ZNF808: variants seen among roughly 807,000 people sequenced by gnomAD.
ZNF808 encodes zinc finger protein 808.
ZNF808 carries 5 observed loss-of-function variants against 8.7 expected under a neutral mutation model. The ratio of observed to expected loss-of-function variants is 0.58; its 90% CI spans 0.30 to 1.21. ZNF808 has a LOEUF of 1.21. Ranked by LOEUF, ZNF808 falls within the 50% of genes most tolerant of loss-of-function variation. The pLI, the probability that ZNF808 is intolerant of heterozygous loss-of-function variation, is 0.07. For synonymous variants in ZNF808, 380 were observed against 366.0 expected (o/e 1.04, Z -0.44); for missense variants, 1,103 against 1,098.4 (o/e 1.00, Z -0.06).
downstream of ZNF808, among the ~76,000 whole-genome samples, chr19:52,561,212 CTATATATATATATA>C (rs374488821): frequency 6.0e-4 from 24 of 40,048 alleles, no homozygotes; most frequent in East Asian, 1.3e-3. Context: ...CTCTCTCTCT[CTATATATATATATA>C]TATATATATA....
At chr19:52,560,189 G>C (rs2059851811), downstream of ZNF808, among the ~76,000 whole-genome samples, 1 of 152,012 alleles carries the variant, frequency 6.6e-6, no homozygotes, top group South Asian at 2.1e-4. Flanking sequence ...AGCCAGGCCT[G>C]GTGGCAGGTG....
At chr19:52,563,913 T>C in exon 4 of ZNF808, 1 of 278,576 alleles carries the variant, frequency 3.6e-6, no homozygotes. Context: ...GAAGAATTGC[T>C]TGAACCCGGG....
chr19:52,537,335 TAG>T (rs772183743), intron 2 of ZNF808, among the ~76,000 whole-genome samples: 4 of 150,656 alleles, frequency 2.7e-5, no homozygotes, highest in Non-Finnish European at 5.9e-5. Flanking sequence ...AAACAAGAGC[TAG>T]AGAGAGAAGG....
chr19:52,528,968 G>T (rs2059536286), intron 1 of ZNF808, among the ~76,000 whole-genome samples: 1 of 151,754 alleles, frequency 6.6e-6, no homozygotes, highest in South Asian at 2.1e-4. Flanking sequence ...CAGAAGAGAA[G>T]AGGGGTACAA....
chr19:52,530,084 G>T (rs1186727139), intron 1 of ZNF808, among the ~76,000 whole-genome samples: 3 of 151,568 alleles, frequency 2.0e-5, no homozygotes, highest in Non-Finnish European at 4.4e-5. Flanking sequence ...TTTTGAGAGG[G>T]AGTTTTGTTC....
intron 3 of ZNF808, among the ~76,000 whole-genome samples, chr19:52,546,687 A>G (rs1236369036): frequency 8.0e-6 from 1 of 124,874 alleles, no homozygotes; most frequent in African/African-American, 3.3e-5. Flanking sequence ...CTCTGTTGCC[A>G]AGCTAAAGTG....
intron 4 of ZNF808, among the ~76,000 whole-genome samples, 185 bp from the exon 5 acceptor site, chr19:52,552,922 G>C (rs1334039318): frequency 6.6e-6 from 1 of 152,010 alleles, no homozygotes; most frequent in Non-Finnish European, 1.5e-5. Context: ...TCATAGAATT[G>C]ATTTGAAGGA....
chr19:52,535,517 C>T (rs1599956028), intron 2 of ZNF808, among the ~76,000 whole-genome samples: 1 of 152,080 alleles, frequency 6.6e-6, no homozygotes, highest in Admixed American at 6.6e-5. Context: ...TGCCCGCATC[C>T]CTGCTGTGTT....
chr19:52,528,764 G>T (rs1306101182), intron 1 of ZNF808, among the ~76,000 whole-genome samples: 1 of 152,046 alleles, frequency 6.6e-6, no homozygotes, highest in Non-Finnish European at 1.5e-5. Context: ...GGGGACAGGG[G>T]AGTATATCAG....
At chr19:52,561,609 G>A (rs528483988) in intron 3 of ZNF808, among the ~76,000 whole-genome samples, 1 of 151,232 alleles carries the variant, frequency 6.6e-6, no homozygotes, top group African/African-American at 2.4e-5. Flanking sequence ...GTGCAATGGC[G>A]CAATCTCGGC....
At position 52,554,892 on chromosome 19, in the gene ZNF808, C is replaced by A. The variant is rs751084560; in HGVS notation, c.1976C>A (p.Thr659Asn). 6.2e-7 allele frequency: 1 copy of A among 1,614,150 alleles called. No homozygotes were observed. The highest frequency in any genetic ancestry group is 8.5e-7 in the Non-Finnish European group (1 of 1,180,020). ...KTYKCNECGK[T>N]FSYKSSLVWH... ...TACAAGTGTAATGAGTGTGGGAAGA[C>A]CTTCAGTTACAAGTCATCACTTGTA... The change falls in exon 5 of 5, where the codon ACC becomes AAC. Residue 659 changes from threonine to asparagine, a missense_variant. Transcript: ENST00000359798.
chr19:52,564,931 A>G (rs889105663), downstream of ZNF808, among the ~76,000 whole-genome samples: 3 of 152,088 alleles, frequency 2.0e-5, no homozygotes, highest in African/African-American at 7.2e-5. Context: ...CTAACAATAC[A>G]AAAAATGAGC....
chr19:52,561,198 CTCTCTCTCTCTCTCTA>C (rs1250731025), downstream of ZNF808, among the ~76,000 whole-genome samples: 517 of 52,826 alleles, frequency 9.8e-3, 1 homozygote, highest in Middle Eastern at 0.039. Flanking sequence ...CTCTCTCTCT[CTCTCTCTCTCTCTCTA>C]TATATATATA....
At position 52,554,581 on chromosome 19, in the gene ZNF808, T is replaced by A; in HGVS notation, c.1665T>A (p.Ala555=). 1.9e-6 allele frequency: 3 copies of A among 1,613,598 alleles called. No individual in the cohort carries two copies. The highest frequency in any genetic ancestry group is 2.5e-6 in the Non-Finnish European group (3 of 1,179,772). The change falls in exon 5 of 5, where the codon GCT becomes GCA. Residue 555 remains alanine, a synonymous_variant. Transcript: ENST00000359798. ...NKVFMRNSVL[A]VHTRIHTAKK... ...TTTTCATGCGTAATTCAGTCCTGGCTGTACATACTAGAATTCACACTGCAA... is the reference window on the plus strand; with the variant it reads ...TTTTCATGCGTAATTCAGTCCTGGCAGTACATACTAGAATTCACACTGCAA...
Position 52,555,591 on chromosome 19 carries a change from A to T in ZNF808, c.2675A>T (p.His892Leu). 6.2e-7 allele frequency: 1 copy of T among 1,609,088 alleles called. No individual in the cohort carries two copies. Among genetic ancestry groups the T allele is most frequent in the Non-Finnish European group, 8.5e-7 (1 of 1,177,646 alleles). The change falls in exon 5 of 5, where the codon CAC becomes CTC. Residue 892 changes from histidine to leucine, a missense_variant. Coordinates refer to ENST00000359798, the MANE Select transcript of ZNF808 (RefSeq NM_001039886.4). ...KAFSDRSTLIHHQAIHGIGKF... is the reference protein window; with the variant it reads ...KAFSDRSTLILHQAIHGIGKF... ...TTTAGTGACCGGTCAACACTTATTC[A>T]CCATCAGGCAATTCATGGTATAGGG...
downstream of ZNF808, among the ~76,000 whole-genome samples, chr19:52,568,325 G>A (rs1203163268): frequency 6.6e-6 from 1 of 152,232 alleles, no homozygotes; most frequent in Non-Finnish European, 1.5e-5. Flanking sequence ...AGTGAGCCGA[G>A]ATCACATCAC....
chr19:52,557,733 C>G (rs2123220277), downstream of ZNF808, among the ~76,000 whole-genome samples: 1 of 152,304 alleles, frequency 6.6e-6, no homozygotes, highest in Non-Finnish European at 1.5e-5. Context: ...TCAATGTCAT[C>G]AGAATCTTGC....
intron 3 of ZNF808, among the ~76,000 whole-genome samples, chr19:52,545,158 C>T (rs1234490098): frequency 6.6e-6 from 1 of 152,130 alleles, no homozygotes; most frequent in Non-Finnish European, 1.5e-5. Flanking sequence ...TGCTTTATTA[C>T]ATCATTGATT....
downstream of ZNF808, among the ~76,000 whole-genome samples, chr19:52,558,155 G>C (rs1230167178): frequency 2.1e-5 from 3 of 145,814 alleles, no homozygotes; most frequent in African/African-American, 7.7e-5. Context: ...GCGCAATCTC[G>C]GCTCACTGCA....
Sources: allele counts gnomAD v4.1 joint callset (sites outside exome capture counted in the v4.1 genomes callset), GRCh38; gene constraint gnomAD v4.1.1; transcripts MANE v1.5; gene names NCBI Gene and HGNC (gene_info 2026-07-23, HGNC 2026-07-21).